THEMIS: variants seen among roughly 807,000 people sequenced by gnomAD.
THEMIS encodes the protein thymocyte selection associated, also known as protein THEMIS.
Under a neutral mutation model 52.6 loss-of-function variants are expected in THEMIS, and 37 were observed. The ratio of observed to expected loss-of-function variants is 0.70; its 90% CI spans 0.54 to 0.93. THEMIS has a LOEUF of 0.93. Among genes scored for constraint, THEMIS ranks in the 40% least tolerant of loss-of-function variants. The probability of loss-of-function intolerance (pLI) is 0.00; values close to 1 mark genes in which losing one functional copy is unlikely to be tolerated. For synonymous variants in THEMIS, 292 were observed against 272.7 expected (o/e 1.07, Z -0.70); for missense variants, 808 against 763.1 (o/e 1.06, Z -0.69).
intron 1 of THEMIS, among the ~76,000 whole-genome samples, chr6:127,862,156 T>C (rs1003189499): frequency 1.3e-5 from 2 of 152,118 alleles, no homozygotes; most frequent in Non-Finnish European, 1.5e-5. Context: ...AGTTATAACC[T>C]AATACACAAA....
At position 127,812,805 on chromosome 6, in the gene THEMIS, A is replaced by G. The variant is rs1454607817; in HGVS notation, c.1758+78T>C. On this transcript the variant is annotated intron_variant, in intron 4 of 5. Coordinates refer to ENST00000368248, the MANE Select transcript of THEMIS (RefSeq NM_001010923.3). Reference sequence around the variant, plus strand: ...CATGAAAGAAAGAAAAGTAAGCAAAACACACTCAGAAAAGACTTGAAACAA... The same window carrying G: ...CATGAAAGAAAGAAAAGTAAGCAAAGCACACTCAGAAAAGACTTGAAACAA... 4.9e-6 allele frequency: 7 copies of G among 1,416,614 alleles called. No individual in the cohort carries two copies. In the Admixed American group the frequency reaches 1.6e-4, roughly 32 times the overall value. The allele number at this position is 1,416,614 out of a possible 1,614,324, so 87.8% of individuals were successfully genotyped here. A position where few individuals can be genotyped will look rare whatever the true frequency, so the allele number is the denominator to read the frequency against.
At chr6:127,717,342 C>T (rs1455473507) in intron 5 of THEMIS, among the ~76,000 whole-genome samples, 2 of 151,940 alleles carry the variant, frequency 1.3e-5, no homozygotes, top group Admixed American at 1.3e-4. Flanking sequence ...TCAGTTCAGC[C>T]TCTGAAGGTC....
intron 3 of THEMIS, among the ~76,000 whole-genome samples, chr6:127,815,069 T>G (rs1562276259): frequency 6.6e-6 from 1 of 152,110 alleles, no homozygotes; most frequent in Non-Finnish European, 1.5e-5. Flanking sequence ...GAAGATCGCT[T>G]GAGCCTGAGA....
Position 127,787,688 on chromosome 6 carries a change from T to C in THEMIS, c.1758+25195A>G, listed in dbSNP as rs1262887617. 2.0e-5 allele frequency among the ~76,000 whole-genome samples: 3 copies of C among 152,114 alleles called. No individual in the cohort carries two copies. In the East Asian group the frequency reaches 5.8e-4, roughly 29 times the overall value. ...ACCATAAAATGATTCTCGTTTCTCA[T>C]CATTACAAACATCAGCATGGCATGA... On this transcript the variant is annotated intron_variant, in intron 4 of 5. Transcript: ENST00000368248.
chr6:127,872,600 T>C (rs868098107), intron 1 of THEMIS, among the ~76,000 whole-genome samples: 12 of 151,322 alleles, frequency 7.9e-5, no homozygotes, highest in African/African-American at 2.4e-4. Flanking sequence ...AAACTAGGAG[T>C]ACAGAGAAAT....
chr6:127,854,437 T>A (rs1029948726), intron 2 of THEMIS, among the ~76,000 whole-genome samples: 6 of 151,674 alleles, frequency 4.0e-5, no homozygotes, highest in African/African-American at 1.5e-4. Context: ...GACTATCCAG[T>A]GAGGTGTATG....
At chr6:127,767,799 C>G (rs912950461) in intron 4 of THEMIS, among the ~76,000 whole-genome samples, 1 of 152,074 alleles carries the variant, frequency 6.6e-6, no homozygotes, top group Non-Finnish European at 1.5e-5. Flanking sequence ...TTTTATACAA[C>G]CACCAATGCA....
Position 127,718,732 on chromosome 6 carries a change from C to T in THEMIS, c.1894+956G>A, listed in dbSNP as rs572424247. 7.9e-5 allele frequency among the ~76,000 whole-genome samples: 12 copies of T among 151,876 alleles called. No individual in the cohort carries two copies. In the East Asian group the frequency reaches 9.7e-4, roughly 12 times the overall value. On this transcript the variant is annotated intron_variant, in intron 5 of 5. Transcript: ENST00000368248. The stretch of plus-strand genomic sequence containing the variant: ...AGAAATTTGGAGGAATTGCAATATG[C>T]GTGATTTTCAAAGCCCTTTACAGAA...
At chr6:127,759,828 T>TCCC (rs1775955976) in intron 4 of THEMIS, among the ~76,000 whole-genome samples, 4 of 116,160 alleles carry the variant, frequency 3.4e-5, no homozygotes, top group South Asian at 3.0e-4. Flanking sequence ...CCTTCCCTCC[T>TCCC]TCCCTCCCTC....
intron 4 of THEMIS, among the ~76,000 whole-genome samples, chr6:127,727,166 T>G (rs1269511295): frequency 6.6e-6 from 1 of 152,200 alleles, no homozygotes; most frequent in Non-Finnish European, 1.5e-5. Flanking sequence ...GAGATAAATC[T>G]TCTTCCTTAT....
upstream of THEMIS, among the ~76,000 whole-genome samples, chr6:127,905,694 G>A (rs375623821): frequency 6.1e-4 from 93 of 152,018 alleles, 2 homozygotes; most frequent in East Asian, 0.013. Context: ...TAATGCAAAA[G>A]CAAAACTGAT....
At chr6:127,754,137 A>G (rs1252652334) in intron 4 of THEMIS, among the ~76,000 whole-genome samples, 1 of 152,026 alleles carries the variant, frequency 6.6e-6, no homozygotes, top group African/African-American at 2.4e-5. Context: ...CACATTTTTT[A>G]AATGCTTTAC....
intron 1 of THEMIS, among the ~76,000 whole-genome samples, chr6:127,890,381 A>G (rs1000995615): frequency 7.2e-5 from 11 of 152,160 alleles, no homozygotes; most frequent in African/African-American, 2.4e-4. Context: ...AGCTAAAAAT[A>G]TTGATCTCAT....
At chr6:127,826,595 AT>A (rs1426336692) in intron 3 of THEMIS, among the ~76,000 whole-genome samples, 1 of 152,232 alleles carries the variant, frequency 6.6e-6, no homozygotes, top group Non-Finnish European at 1.5e-5. Flanking sequence ...TTATCAATCT[AT>A]ATGTCAAAAC....
chr6:127,875,859 C>T (rs2114403897), intron 1 of THEMIS, among the ~76,000 whole-genome samples: 1 of 152,272 alleles, frequency 6.6e-6, no homozygotes, highest in African/African-American at 2.4e-5. Context: ...AAGTTAGCAA[C>T]AAACAAATCG....
At chr6:127,917,021 CA>C in intron 1 of THEMIS, among the ~76,000 whole-genome samples, 1 of 152,266 alleles carries the variant, frequency 6.6e-6, no homozygotes, top group African/African-American at 2.4e-5. Flanking sequence ...TTTGCTTTTG[CA>C]AAAGCATTGA....
intron 4 of THEMIS, among the ~76,000 whole-genome samples, chr6:127,811,731 T>A (rs765918133): frequency 1.3e-5 from 2 of 152,124 alleles, no homozygotes; most frequent in African/African-American, 4.8e-5. Context: ...AGTTCAGTAA[T>A]AAAAATATGT....
At chr6:127,873,698 A>G (rs183991610) in intron 1 of THEMIS, among the ~76,000 whole-genome samples, 1 of 152,330 alleles carries the variant, frequency 6.6e-6, no homozygotes, top group Non-Finnish European at 1.5e-5. Flanking sequence ...GTCTTTCCCA[A>G]AACTTAACTA....
chr6:127,839,497 C>T (rs1383506080), intron 2 of THEMIS, among the ~76,000 whole-genome samples: 2 of 151,852 alleles, frequency 1.3e-5, no homozygotes, highest in Non-Finnish European at 2.9e-5. Flanking sequence ...TGATTACCAC[C>T]TCTTTTTTTA....
Sources: allele counts gnomAD v4.1 joint callset (sites outside exome capture counted in the v4.1 genomes callset), GRCh38; gene constraint gnomAD v4.1.1; transcripts MANE v1.5; gene names NCBI Gene and HGNC (gene_info 2026-07-23, HGNC 2026-07-21).